Variants in RAN observed in about 807,000 individuals in gnomAD.
RAN encodes GTP-binding nuclear protein Ran.
A neutral mutation model predicts 26.8 loss-of-function variants in RAN; 2 were observed. That is an observed-to-expected ratio of 0.07 (90% CI 0.03 to 0.23). The LOEUF is 0.23. RAN is among the 10% of genes least tolerant of loss of function. The pLI is 1.00. For synonymous variants in RAN, 132 were observed against 95.9 expected (o/e 1.38, Z -2.20); for missense variants, 56 against 264.8 (o/e 0.21, Z 5.47).
chr12:130,872,152 C>A, intron 1 of RAN, 26 bp downstream of exon 1: 1 of 207,752 alleles, frequency 4.8e-6, no homozygotes, highest in Non-Finnish European at 1.1e-5. Flanking sequence ...GGGCCCGGCA[C>A]GGCCGGGCGG....
chr12:130,873,231 T>G (rs1953172245), intron 4 of RAN, 103 bp downstream of exon 4: 11 of 1,496,316 alleles, frequency 7.4e-6, no homozygotes, highest in Non-Finnish European at 9.9e-6. Context: ...GTGTCATTTT[T>G]GGGTTAAAAA....
At chr12:130,873,299 A>G (rs1198304237) in intron 4 of RAN, 171 bp downstream of exon 4, 1 of 818,396 alleles carries the variant, frequency 1.2e-6, no homozygotes. Flanking sequence ...AAATTTTATT[A>G]AAGTTGTGTC....
chr12:130,874,499 C>G, intron 4 of RAN, 47 bp from the exon 5 acceptor site: 1 of 1,430,200 alleles, frequency 7.0e-7, no homozygotes, highest in Non-Finnish European at 9.7e-7. Flanking sequence ...GCATTCTTCA[C>G]TTGTGCAGTA....
Position 130,872,871 on chromosome 12 carries a change from G to A in RAN, c.72G>A (p.Thr24=). Reference sequence around the variant, plus strand: ...TTGGTGATGGTGGTACTGGAAAAACGACCTTCGTGAAACGTCATTTGACTG... The same window carrying A: ...TTGGTGATGGTGGTACTGGAAAAACAACCTTCGTGAAACGTCATTTGACTG... ...VLVGDGGTGK[T]TFVKRHLTGE... is the part of the protein sequence containing the mutation. The change falls in exon 3 of 7, where the codon ACG becomes ACA. Residue 24 remains threonine, a synonymous_variant. Transcript: ENST00000543796. 6.2e-7 allele frequency: 1 copy of A among 1,614,188 alleles called. No homozygotes were observed. The highest frequency in any genetic ancestry group is 1.1e-5 in the South Asian group (1 of 91,038).
At chr12:130,873,251 G>A (rs1953172701) in intron 4 of RAN, 123 bp downstream of exon 4, 1 of 1,342,060 alleles carries the variant, frequency 7.5e-7, no homozygotes, top group Admixed American at 2.3e-5. Context: ...AAAGACAAGT[G>A]GACTTCGGGG....
At position 130,875,550 on chromosome 12, in the gene RAN, C is replaced by T. The variant is rs1953223870; in HGVS notation, c.436-62C>T. On this transcript the variant is annotated intron_variant, in intron 5 of 6. Transcript: ENST00000543796. ...TAACATTTTCTTATCTTGCAATGTC[C>T]TAGAAAAATCGTCATCTTAATAATG... 5 of 1,396,060 alleles carry T rather than the reference C, an allele frequency of 3.6e-6. No individual in the cohort carries two copies. The Admixed American group carries it at 1.1e-4, about 32-fold the overall frequency. 86.5% of individuals were successfully genotyped at this position (1,396,060 alleles called of 1,614,324 possible).
At position 130,877,672 on chromosome 12, in the gene RAN, G is replaced by A. The variant is rs564439898; in HGVS notation, c.*1746G>A. The A allele has an allele frequency of 1.3e-5, 2 of 152,262 alleles. No individual in the cohort carries two copies. Among genetic ancestry groups the A allele is most frequent in the South Asian group, 2.1e-4 (1 of 4,828 alleles). 9.4% of individuals were successfully genotyped at this position (152,262 alleles called of 1,614,324 possible). Reference sequence around the variant, plus strand: ...TTGCAAAATATATTGCTTCTACTTTGCCTGGATTTTTTGAATCATCTCTAG... The same window carrying A: ...TTGCAAAATATATTGCTTCTACTTTACCTGGATTTTTTGAATCATCTCTAG... On this transcript the variant is annotated 3_prime_UTR_variant, in exon 7 of 7. Transcript: ENST00000543796.
Position 130,875,631 on chromosome 12 carries a change from A to G in RAN, c.455A>G (p.Lys152Arg). The stretch of plus-strand genomic sequence containing the variant: ...AAACAGTACTACGACATTTCTGCCA[A>G]AAGTAACTACAACTTTGAAAAGCCC... ...KNLQYYDISAKSNYNFEKPFL... is the reference protein window; with the variant it reads ...KNLQYYDISARSNYNFEKPFL... The change falls in exon 6 of 7, where the codon AAA becomes AGA. Residue 152 changes from lysine to arginine, a missense_variant. Physicochemically the swap from Lys to Arg is conservative, Grantham distance 26 (BLOSUM62 2). Around this residue, in one of 2 missense-constraint regions of RAN, gnomAD observed 39 missense variants for 248.7 expected, o/e 0.16. Coordinates refer to ENST00000543796, the MANE Select transcript of RAN (RefSeq NM_006325.5). 6.2e-7 allele frequency: 1 copy of G among 1,605,518 alleles called. No homozygotes were observed. The highest frequency in any genetic ancestry group is 2.2e-5 in the East Asian group (1 of 44,856).
At chr12:130,875,310 C>T (rs1207097364) in intron 5 of RAN, among the ~76,000 whole-genome samples, 1 of 152,184 alleles carries the variant, frequency 6.6e-6, no homozygotes, top group Non-Finnish European at 1.5e-5. Context: ...TAGCCCTGAA[C>T]TCCTGGGCTC....
chr12:130,875,865 T>C lies in RAN; in HGVS notation c.607-17T>C. ...TTTTGATCTGGAGTGTTAACGTTTT[T>C]CCATCTCTTCGTCTAGGTTGCTCAG... On this transcript the variant is annotated splice_polypyrimidine_tract_variant and intron_variant, in intron 6 of 6. Coordinates refer to ENST00000543796, the MANE Select transcript of RAN (RefSeq NM_006325.5). 2 of 1,614,196 alleles carry C rather than the reference T, an allele frequency of 1.2e-6. No homozygotes were observed. Among genetic ancestry groups the C allele is most frequent in the Non-Finnish European group, 1.7e-6 (2 of 1,180,022 alleles).
Position 130,873,016 on chromosome 12 carries a change from T to C in RAN, c.135T>C (p.Val45=), listed in dbSNP as rs1312856167. ...FEKKYVATLG[V]EVHPLVFHTN... ...TTTCCGTTTCAGCCACCTTGGGTGTTGAGGTTCATCCCCTAGTGTTCCACA... is the reference window on the plus strand; with the variant it reads ...TTTCCGTTTCAGCCACCTTGGGTGTCGAGGTTCATCCCCTAGTGTTCCACA... The change falls in exon 4 of 7, where the codon GTT becomes GTC. Residue 45 remains valine, a synonymous_variant. Transcript: ENST00000543796. 6.2e-7 allele frequency: 1 copy of C among 1,614,206 alleles called. No homozygotes were observed. The highest frequency in any genetic ancestry group is 1.1e-5 in the South Asian group (1 of 91,084).
intron 4 of RAN, 191 bp downstream of exon 4, chr12:130,873,319 C>CACAGCATGCAAA: frequency 1.5e-6 from 1 of 646,242 alleles, no homozygotes; most frequent in Non-Finnish European, 2.6e-6. Flanking sequence ...CATTTGCATG[C>CACAGCATGCAAA]TGTGTCATGC....
At position 130,872,146 on chromosome 12, in the gene RAN, C is replaced by A. The variant is rs997468737; in HGVS notation, c.-11+20C>A. On this transcript the variant is annotated intron_variant, in intron 1 of 6. Transcript: ENST00000543796. ...TGGAAGGTATCGCGACCCGGCGGGC[C>A]CGGCACGGCCGGGCGGGGACAGGGG... is the stretch of plus-strand genomic sequence containing the variant. 1 of 215,580 alleles carries A rather than the reference C, an allele frequency of 4.6e-6. No individual in the cohort carries two copies. Among genetic ancestry groups the A allele is most frequent in the South Asian group, 4.4e-5 (1 of 22,832 alleles). 13.4% of individuals were successfully genotyped at this position (215,580 alleles called of 1,614,324 possible).
At chr12:130,874,845 C>CTCCGTCTTGG in intron 5 of RAN, 112 bp downstream of exon 5, 5 of 937,120 alleles carry the variant, frequency 5.3e-6, no homozygotes, top group Non-Finnish European at 7.8e-6. Context: ...TTCCCCAAGA[C>CTCCGTCTTGG]GGAGTCTTCC....
rs756819761 is a variant in RAN at position 130,872,535 on chromosome 12, T to A, written c.-10-49T>A. 25 of 1,359,646 alleles carry A rather than the reference T, an allele frequency of 1.8e-5. No individual in the cohort carries two copies. In the South Asian group the frequency reaches 4.1e-4, roughly 23 times the overall value. 84.2% of individuals were successfully genotyped at this position (1,359,646 alleles called of 1,614,324 possible). The stretch of plus-strand genomic sequence containing the variant: ...TGGGGGCGCGGGAGCGGGGCCGCCA[T>A]GGGCTGCGGGGCCGCGCGAGCGCTC... On this transcript the variant is annotated intron_variant, in intron 1 of 6. Coordinates refer to ENST00000543796, the MANE Select transcript of RAN (RefSeq NM_006325.5).
chr12:130,873,243 A>C, intron 4 of RAN, 115 bp downstream of exon 4: 1 of 1,423,088 alleles, frequency 7.0e-7, no homozygotes. Context: ...GGTTAAAAAA[A>C]GACAAGTGGA....
chr12:130,872,556 C>T lies in RAN; in HGVS notation c.-10-28C>T. 5 of 1,437,000 alleles carry T rather than the reference C, an allele frequency of 3.5e-6. No individual in the cohort carries two copies. The South Asian group carries it at 4.6e-5, about 13-fold the overall frequency. 89.0% of individuals were successfully genotyped at this position (1,437,000 alleles called of 1,614,324 possible). A position where few individuals can be genotyped will look rare whatever the true frequency, so the allele number is the denominator to read the frequency against. On this transcript the variant is annotated intron_variant, in intron 1 of 6. Transcript: ENST00000543796. The stretch of plus-strand genomic sequence containing the variant: ...GCCATGGGCTGCGGGGCCGCGCGAG[C>T]GCTCGCCTCCGTCCTCTGCCTCCGC...
chr12:130,876,904 A>G lies in RAN; in HGVS notation c.*978A>G, dbSNP rs937522290. 1 of 152,066 alleles carries G rather than the reference A, an allele frequency of 6.6e-6. No individual in the cohort carries two copies. The highest frequency in any genetic ancestry group is 2.4e-5 in the African/African-American group (1 of 41,394). The allele number at this position is 152,066 out of a possible 1,614,324, so 9.4% of individuals were successfully genotyped here. ...ACATTTAAGTTCTTCAGCAGTTCACACTACACCGTTTTTTTGTTTTTTTTT... is the reference window on the plus strand; with the variant it reads ...ACATTTAAGTTCTTCAGCAGTTCACGCTACACCGTTTTTTTGTTTTTTTTT... On this transcript the variant is annotated 3_prime_UTR_variant, in exon 7 of 7. Coordinates refer to ENST00000543796, the MANE Select transcript of RAN (RefSeq NM_006325.5).
chr12:130,874,394 A>G (rs1953199517), intron 4 of RAN, 152 bp from the exon 5 acceptor site: 3 of 585,836 alleles, frequency 5.1e-6, no homozygotes, highest in Non-Finnish European at 8.8e-6. Flanking sequence ...TAACATTTTT[A>G]GAATTGACAG....
Sources: gnomAD v4.1 joint callset for allele counts (sites outside exome capture counted in the v4.1 genomes callset) on GRCh38, gnomAD v4.1.1 for gene constraint, gnomAD v4.1.1 regional missense constraint, MANE v1.5 for transcripts, NCBI Gene and HGNC (gene_info 2026-07-23, HGNC 2026-07-21) for gene names.